Variants in SLC36A4 observed in about 807,000 individuals in gnomAD.
SLC36A4 encodes solute carrier family 36 member 4.
SLC36A4 carries 49 observed loss-of-function variants against 50.5 expected under a neutral mutation model. The ratio of observed to expected loss-of-function variants is 0.97; its 90% CI spans 0.77 to 1.23. The LOEUF (loss-of-function observed/expected upper bound fraction) is 1.23. SLC36A4 is among the 50% of genes most tolerant of loss of function. SLC36A4 has a pLI of 0.00. For synonymous variants in SLC36A4, 207 were observed against 206.5 expected, an observed-to-expected ratio of 1.00 and a Z score of -0.02; for missense variants, 611 against 608.4, an observed-to-expected ratio of 1.00 and a Z score of -0.05.
rs1420175785 is a variant in SLC36A4 at position 93,146,203 on chromosome 11, T to C, written c.*2334A>G. 6.6e-6 allele frequency: 1 copy of C among 152,038 alleles called. No homozygotes were observed. The highest frequency in any genetic ancestry group is 1.5e-5 in the Non-Finnish European group (1 of 67,942). 9.4% of individuals were successfully genotyped at this position (152,038 alleles called of 1,614,324 possible). A position where few individuals can be genotyped will look rare whatever the true frequency, so the allele number is the denominator to read the frequency against. ...CAATTTTATTCAAATTTCATTGCAT[T>C]TGATGAATTCCTTAAGGAAAATAAA... On this transcript the variant is annotated 3_prime_UTR_variant, in exon 11 of 11. Coordinates refer to ENST00000326402, the MANE Select transcript of SLC36A4 (RefSeq NM_152313.4).
chr11:93,193,155 T>A, intron 1 of SLC36A4: 1 of 405,992 alleles, frequency 2.5e-6, no homozygotes, highest in Non-Finnish European at 3.3e-6. Flanking sequence ...TAATTAATAC[T>A]TCTGAGCATT....
chr11:93,186,788 T>C (rs1164668784), intron 1 of SLC36A4, among the ~76,000 whole-genome samples: 2 of 152,164 alleles, frequency 1.3e-5, no homozygotes, highest in African/African-American at 4.8e-5. Context: ...TTCCTCAATC[T>C]TCCCTTGGCT....
At chr11:93,178,949 T>TTACC (rs1861615672) in intron 6 of SLC36A4, among the ~76,000 whole-genome samples, 1 of 152,140 alleles carries the variant, frequency 6.6e-6, no homozygotes, top group African/African-American at 2.4e-5. Context: ...AACCCTAAGG[T>TTACC]TACCATTCCT....
intron 8 of SLC36A4, among the ~76,000 whole-genome samples, chr11:93,165,405 A>C (rs1565222712): frequency 1.3e-5 from 2 of 152,158 alleles, no homozygotes; most frequent in African/African-American, 4.8e-5. Flanking sequence ...TCTCAAAACA[A>C]ACATTATATT....
intron 9 of SLC36A4, among the ~76,000 whole-genome samples, chr11:93,159,343 C>T (rs1245631837): frequency 6.6e-6 from 1 of 152,002 alleles, no homozygotes; most frequent in Admixed American, 6.6e-5. Context: ...TTCTTTTCCC[C>T]ACATTGGCTA....
In SLC36A4 at chr11:93,162,722, G is replaced by A; in HGVS notation, c.1021C>T (p.Leu341Phe). 1 of 1,609,674 alleles carries A rather than the reference G, an allele frequency of 6.2e-7. No homozygotes were observed. The highest frequency in any genetic ancestry group is 1.7e-5 in the Admixed American group (1 of 58,836). The stretch of plus-strand genomic sequence containing the variant: ...TACACCTACCATACATCTTGGGGAA[G>A]ATTTAAAGTTATGCTGCCTTTGATT... ...DEIKGSITLN[L>F]PQDVWLYQSV... The change falls in exon 9 of 11, where the codon CTT becomes TTT. Residue 341 changes from leucine to phenylalanine, a missense_variant. Physicochemically the swap from Leu to Phe is conservative, Grantham distance 22. Coordinates refer to ENST00000326402, the MANE Select transcript of SLC36A4 (RefSeq NM_152313.4).
intron 1 of SLC36A4, among the ~76,000 whole-genome samples, chr11:93,192,253 G>A (rs1020520847): frequency 2.0e-5 from 3 of 152,172 alleles, no homozygotes; most frequent in Non-Finnish European, 4.4e-5. Context: ...GCAGGAGTGA[G>A]CAGCGTGGAT....
Position 93,147,130 on chromosome 11 carries a change from A to G in SLC36A4, c.*1407T>C, listed in dbSNP as rs1859867331. The G allele has an allele frequency of 6.6e-6, 1 of 152,058 alleles. No homozygotes were observed. Among genetic ancestry groups the G allele is most frequent in the African/African-American group, 2.4e-5 (1 of 41,418 alleles). 9.4% of individuals were successfully genotyped at this position (152,058 alleles called of 1,614,324 possible). On this transcript the variant is annotated 3_prime_UTR_variant, in exon 11 of 11. Transcript: ENST00000326402. ...GTAGCTGGGACTACAGGTACACGCC[A>G]CATCAGGCTAATTTTTTTTTAAATT...
intron 1 of SLC36A4, among the ~76,000 whole-genome samples, chr11:93,195,038 T>C (rs981981576): frequency 2.0e-5 from 3 of 151,936 alleles, no homozygotes; most frequent in Admixed American, 1.3e-4. Flanking sequence ...GGAGCTTTCC[T>C]TAGGGCTGCT....
At chr11:93,148,980 G>A in intron 10 of SLC36A4, 136 bp from the exon 11 acceptor site, 8 of 980,140 alleles carry the variant, frequency 8.2e-6, no homozygotes, top group African/African-American at 1.7e-5. Flanking sequence ...ACTATTGCTT[G>A]TGAAAAAAAT....
chr11:93,162,864 C>T lies in SLC36A4; in HGVS notation c.879G>A (p.Leu293=). 6.2e-7 allele frequency: 1 copy of T among 1,611,944 alleles called. No homozygotes were observed. The highest frequency in any genetic ancestry group is 2.2e-5 in the East Asian group (1 of 44,732). ...AFEGIGVVLP[L]ENQMKESKRF... is the part of the protein sequence containing the mutation. ...GCTTTGATTCTTTCATTTGGTTTTC[C>T]AGTGGAAGGACCTAAGAAAAGAATA... Residue 293 remains leucine, a synonymous_variant, in exon 9 of 11, where the codon CTG becomes CTA. Transcript: ENST00000326402.
intron 6 of SLC36A4, among the ~76,000 whole-genome samples, chr11:93,176,409 C>T (rs1861472719): frequency 6.6e-6 from 1 of 152,174 alleles, no homozygotes; most frequent in South Asian, 2.1e-4. Flanking sequence ...TCCAATTTGC[C>T]AGTCTATGTC....
At chr11:93,166,247 CA>C in intron 7 of SLC36A4, 1 of 1,231,300 alleles carries the variant, frequency 8.1e-7, no homozygotes, top group Non-Finnish European at 1.0e-6. Flanking sequence ...TCCATCTGAG[CA>C]AAATGCTCCT....
chr11:93,160,193 T>C (rs1860556266), intron 9 of SLC36A4: 1 of 985,420 alleles, frequency 1.0e-6, no homozygotes, highest in Non-Finnish European at 1.2e-6. Context: ...TTATTTTAAT[T>C]GTCCCACAAC....
intron 6 of SLC36A4, chr11:93,170,345 C>A (rs1328041742): frequency 2.0e-5 from 3 of 152,076 alleles, no homozygotes; most frequent in African/African-American, 7.2e-5. Flanking sequence ...AAAATTCCAA[C>A]AGCAGATTAT....
At chr11:93,176,693 C>T (rs892408569) in intron 6 of SLC36A4, among the ~76,000 whole-genome samples, 8 of 152,062 alleles carry the variant, frequency 5.3e-5, no homozygotes, top group African/African-American at 1.7e-4. Context: ...TATTTTATTT[C>T]TCCTTCACTT....
rs1394603518 is a variant in SLC36A4, at chr11:93,184,512, T to G, written c.188A>C (p.Gln63Pro). Residue 63 changes from glutamine (Q) to proline (P), a missense_variant, in exon 3 of 11, where the codon CAA (glutamine) becomes CCA (proline). By Grantham distance (76) the Gln-to-Pro change is moderately conservative (BLOSUM62 -1). Transcript: ENST00000326402. ...LDDQEGISFV[Q>P]TLMHLLKGNI... ...TCCTTTAAGAAGGTGCATAAGAGTT[T>G]GTACAAATCTGAAAAGTAAAAGTTG... 3.8e-6 allele frequency: 6 copies of G among 1,591,740 alleles called. No homozygotes were observed. Among genetic ancestry groups the G allele is most frequent in the Non-Finnish European group, 5.2e-6 (6 of 1,162,210 alleles).
intron 9 of SLC36A4, chr11:93,159,976 A>G: frequency 3.0e-6 from 3 of 985,450 alleles, no homozygotes; most frequent in Non-Finnish European, 3.6e-6. Flanking sequence ...TACTCTGCCA[A>G]TAGAGTACAC....
chr11:93,182,729 A>G (rs1490255201), intron 4 of SLC36A4, 77 bp downstream of exon 4: 1 of 1,020,036 alleles, frequency 9.8e-7, no homozygotes, highest in Non-Finnish European at 1.5e-6. Flanking sequence ...TACAAAGCAC[A>G]GTAGAATATA....
Sources: gnomAD v4.1 joint callset for allele counts (sites outside exome capture counted in the v4.1 genomes callset) on GRCh38, gnomAD v4.1.1 for gene constraint, MANE v1.5 for transcripts, NCBI Gene and HGNC (gene_info 2026-07-23, HGNC 2026-07-21) for gene names.